Variants in MMACHC observed in about 807,000 individuals in gnomAD.
The protein encoded by MMACHC is cyanocobalamin reductase / alkylcobalamin dealkylase.
Under a neutral mutation model 17.6 loss-of-function variants are expected in MMACHC, and 14 were observed. The ratio of observed to expected loss-of-function variants is 0.80; its 90% confidence interval spans 0.53 to 1.25. The LOEUF is 1.25. MMACHC is among the 50% of genes most tolerant of loss of function. The pLI, the probability that MMACHC is intolerant of heterozygous loss-of-function variation, is 0.00. For missense variants in MMACHC, 392 were observed against 364.5 expected, an observed-to-expected ratio of 1.08 and a Z score of -0.62; for synonymous variants, 151 against 142.1, an observed-to-expected ratio of 1.06 and a Z score of -0.45.
In MMACHC at chr1:45,511,693, ACT is replaced by A; in HGVS notation, c.*2483_*2484del. 2 of 289,650 alleles carry A rather than the reference ACT, an allele frequency of 6.9e-6. No homozygotes were observed. The highest frequency in any genetic ancestry group is 6.2e-5 in the East Asian group (1 of 16,064). 17.9% of individuals were successfully genotyped at this position (289,650 alleles called of 1,614,324 possible). A position where few individuals can be genotyped will look rare whatever the true frequency, so the allele number is the denominator to read the frequency against. On this transcript the variant is annotated 3_prime_UTR_variant, in exon 4 of 4. Coordinates refer to ENST00000401061, the MANE Select transcript of MMACHC (RefSeq NM_015506.3). ...GGCAAAGTTTAAATAATTTGCCAAC[ACT>A]CTCTAATCCTTAAGGGGAAAAAAAA...
intron 1 of MMACHC, among the ~76,000 whole-genome samples, chr1:45,504,743 C>A (rs1035780471): frequency 2.6e-5 from 4 of 152,066 alleles, no homozygotes; most frequent in African/African-American, 9.7e-5. Context: ...AGCAGAAAAA[C>A]CCCTGATGGG....
chr1:45,507,495 T>C lies in MMACHC; in HGVS notation c.221T>C (p.Met74Thr). 1.2e-6 allele frequency: 2 copies of C among 1,614,144 alleles called. No homozygotes were observed. Among genetic ancestry groups the C allele is most frequent in the Non-Finnish European group, 8.5e-7 (1 of 1,180,016 alleles). ...KPFLQSCHLRMLTDPVDQCVA... is the reference protein window; with the variant it reads ...KPFLQSCHLRTLTDPVDQCVA... ...TTCTTGCAGAGCTGCCACCTCCGAATGCTGACTGACCCAGTGGACCAGTGT... is the reference window on the plus strand; with the variant it reads ...TTCTTGCAGAGCTGCCACCTCCGAACGCTGACTGACCCAGTGGACCAGTGT... The change falls in exon 2 of 4, where the codon ATG becomes ACG. Residue 74 changes from methionine to threonine, a missense_variant. Met to Thr is a moderately conservative substitution (Grantham distance 81, BLOSUM62 -1). Coordinates refer to ENST00000401061, the MANE Select transcript of MMACHC (RefSeq NM_015506.3).
At position 45,507,356 on chromosome 1, in the gene MMACHC, G is replaced by A. The variant is rs371937044; in HGVS notation, c.82G>A (p.Val28Met). 7 of 1,613,976 alleles carry A rather than the reference G, an allele frequency of 4.3e-6. No homozygotes were observed. The East Asian group carries it at 6.7e-5, about 15-fold the overall frequency. ...PFGFEVYPFQ[V>M]AWYNELLPPA... ...GCCTGGCCTGAACTTTCTGTTTCAG[G>A]TGGCATGGTACAATGAACTCTTGCC... The change falls in exon 2 of 4, where the codon GTG becomes ATG. Residue 28 changes from valine to methionine, a missense_variant and splice_region_variant. Physicochemically the swap from Val to Met is conservative, Grantham distance 21. Transcript: ENST00000401061.
In MMACHC at chr1:45,511,446, C is replaced by T. The variant is rs777833348; in HGVS notation, c.*2231C>T. On this transcript the variant is annotated 3_prime_UTR_variant, in exon 4 of 4. Transcript: ENST00000401061. ...GAGAAAGGCACCACTAATTAATAAC[C>T]TTCTCAATGGTATGCACCACCATTC... 1.9e-6 allele frequency: 3 copies of T among 1,575,842 alleles called. No homozygotes were observed. Among genetic ancestry groups the T allele is most frequent in the Middle Eastern group, 1.7e-4 (1 of 5,964 alleles).
Position 45,511,583 on chromosome 1 carries a change from C to T in MMACHC, c.*2368C>T. The T allele has an allele frequency of 2.2e-6, 1 of 444,670 alleles. No individual in the cohort carries two copies. The highest frequency in any genetic ancestry group is 3.4e-5 in the East Asian group (1 of 29,380). 27.5% of individuals were successfully genotyped at this position (444,670 alleles called of 1,614,324 possible). A position where few individuals can be genotyped will look rare whatever the true frequency, so the allele number is the denominator to read the frequency against. ...TAGTATGAGCTAACCATTTTACAAACATATAATCATCACCACAGCCTTAAG... is the reference window on the plus strand; with the variant it reads ...TAGTATGAGCTAACCATTTTACAAATATATAATCATCACCACAGCCTTAAG... On this transcript the variant is annotated 3_prime_UTR_variant, in exon 4 of 4. Coordinates refer to ENST00000401061, the MANE Select transcript of MMACHC (RefSeq NM_015506.3).
rs371647512 is a variant in MMACHC, at chr1:45,509,227, G to A, written c.*12G>A. On this transcript the variant is annotated 3_prime_UTR_variant, in exon 4 of 4. Transcript: ENST00000401061. ...CCCCTGGCCCTTGATTTTCTCCCATGTGGACCCTGATTTATGGTGGTACTT... is the reference window on the plus strand; with the variant it reads ...CCCCTGGCCCTTGATTTTCTCCCATATGGACCCTGATTTATGGTGGTACTT... 2 of 1,613,952 alleles carry A rather than the reference G, an allele frequency of 1.2e-6. No homozygotes were observed. Among genetic ancestry groups the A allele is most frequent in the African/African-American group, 1.3e-5 (1 of 74,986 alleles).
At position 45,508,783 on chromosome 1, in the gene MMACHC, A is replaced by T. The variant is rs745687866; in HGVS notation, c.430-13A>T. On this transcript the variant is annotated splice_polypyrimidine_tract_variant and intron_variant, in intron 3 of 3. Coordinates refer to ENST00000401061, the MANE Select transcript of MMACHC (RefSeq NM_015506.3). ...GACCTCCATGACCTTGCTTTTCTTC[A>T]CCCTCTCCCCAGCGCATATCAGGTG... 68 of 1,611,524 alleles carry T rather than the reference A, an allele frequency of 4.2e-5. No homozygotes were observed. The highest frequency in any genetic ancestry group is 4.0e-4 in the Admixed American group (24 of 59,654).
chr1:45,505,775 G>A (rs1643611349), intron 1 of MMACHC, among the ~76,000 whole-genome samples: 1 of 151,874 alleles, frequency 6.6e-6, no homozygotes, highest in Admixed American at 6.6e-5. Context: ...GGTGGCACGT[G>A]CCTGTAGTCC....
In MMACHC at chr1:45,508,938, C is replaced by G. The variant is rs375442063; in HGVS notation, c.572C>G (p.Ala191Gly). The G allele has an allele frequency of 2.5e-6, 4 of 1,614,088 alleles. No individual in the cohort carries two copies. The African/African-American group carries it at 5.3e-5, about 22-fold the overall frequency. ...DCVPTRADRI[A>G]LLEGFNFHWR... The stretch of plus-strand genomic sequence containing the variant: ...GTACCTACAAGAGCTGACCGTATCG[C>G]CCTACTCGAAGGCTTCAATTTCCAC... Residue 191 changes from alanine (A) to glycine (G), a missense_variant, in exon 4 of 4, where the codon GCC becomes GGC. By Grantham distance (60) the Ala-to-Gly change is moderately conservative. Transcript: ENST00000401061.
rs867262859 is a variant in MMACHC at position 45,508,119 on chromosome 1, T to C, written c.277-93T>C. 64 of 1,476,986 alleles carry C rather than the reference T, an allele frequency of 4.3e-5. No homozygotes were observed. In the Middle Eastern group the frequency reaches 3.6e-3, roughly 83 times the overall value. 91.5% of individuals were successfully genotyped at this position (1,476,986 alleles called of 1,614,324 possible). ...GTTTTCCCTTCTGAGGACAGGACCATGTTCACACACACAAAACAAACTAGG... is the reference window on the plus strand; with the variant it reads ...GTTTTCCCTTCTGAGGACAGGACCACGTTCACACACACAAAACAAACTAGG... On this transcript the variant is annotated intron_variant, in intron 2 of 3. Transcript: ENST00000401061.
intron 1 of MMACHC, among the ~76,000 whole-genome samples, chr1:45,504,584 G>T (rs911598885): frequency 6.6e-6 from 1 of 152,064 alleles, no homozygotes; most frequent in Non-Finnish European, 1.5e-5. Flanking sequence ...AGCCAGCCAG[G>T]TGTGGTGGCT....
chr1:45,505,377 G>C lies in MMACHC; in HGVS notation c.82-1979G>C, dbSNP rs549942575. On this transcript the variant is annotated intron_variant, in intron 1 of 3. Transcript: ENST00000401061. ...ACAGGAAAATCACTTGAACCCGGGA[G>C]GTGGAGATTGCAATAAGCCGAGGCT... 2.6e-5 allele frequency among the ~76,000 whole-genome samples: 4 copies of C among 152,196 alleles called. No homozygotes were observed. In the South Asian group the frequency reaches 8.3e-4, roughly 32 times the overall value.
At position 45,500,362 on chromosome 1, in the gene MMACHC, G is replaced by C. The variant is rs772838196; in HGVS notation, c.30G>C (p.Gln10His). Residue 10 changes from glutamine to histidine, a missense_variant, in exon 1 of 4, where the codon CAG (glutamine) becomes CAC (histidine). By Grantham distance (24) the Gln-to-His change is conservative. Transcript: ENST00000401061. ...AGCCGAAAGTCGCAGAGCTGAAGCA[G>C]AAGATCGAGGACACGCTATGTCCTT... MEPKVAELKQKIEDTLCPFG... is the reference protein window; with the variant it reads MEPKVAELKHKIEDTLCPFG... 1.2e-6 allele frequency: 2 copies of C among 1,614,206 alleles called. No individual in the cohort carries two copies. Among genetic ancestry groups the C allele is most frequent in the East Asian group, 4.5e-5 (2 of 44,892 alleles).
intron 1 of MMACHC, among the ~76,000 whole-genome samples, chr1:45,506,225 C>G (rs1643618414): frequency 6.6e-6 from 1 of 152,180 alleles, no homozygotes; most frequent in Non-Finnish European, 1.5e-5. Flanking sequence ...CTTTCTCCCT[C>G]TCAGGCTTGG....
rs1570838659 is a variant in MMACHC, at chr1:45,511,015, T to G, written c.*1800T>G. The G allele has an allele frequency of 1.4e-5, 3 of 215,316 alleles. No homozygotes were observed. The East Asian group carries it at 2.9e-4, about 21-fold the overall frequency. 13.3% of individuals were successfully genotyped at this position (215,316 alleles called of 1,614,324 possible). The stretch of plus-strand genomic sequence containing the variant: ...GTAAATTCCTCTTAAAATCAAAAGC[T>G]AATAATATGCTTCCTAAAATAAAGA... On this transcript the variant is annotated 3_prime_UTR_variant, in exon 4 of 4. Transcript: ENST00000401061.
chr1:45,504,763 G>T (rs567488525), intron 1 of MMACHC, among the ~76,000 whole-genome samples: 1 of 152,272 alleles, frequency 6.6e-6, no homozygotes, highest in Admixed American at 6.5e-5. Flanking sequence ...GCTCAAGTCA[G>T]AGGTTAAGTA....
In MMACHC at chr1:45,510,000, C is replaced by G. The variant is rs1220046876; in HGVS notation, c.*785C>G. The G allele has an allele frequency of 6.7e-6, 1 of 150,208 alleles. No homozygotes were observed. Among genetic ancestry groups the G allele is most frequent in the Non-Finnish European group, 1.5e-5 (1 of 67,842 alleles). 9.3% of individuals were successfully genotyped at this position (150,208 alleles called of 1,614,324 possible). A position where few individuals can be genotyped will look rare whatever the true frequency, so the allele number is the denominator to read the frequency against. On this transcript the variant is annotated 3_prime_UTR_variant, in exon 4 of 4. Coordinates refer to ENST00000401061, the MANE Select transcript of MMACHC (RefSeq NM_015506.3). ...GCTGAGGCAGTAGAATCATTTGAACCAGGGAGGCAGAGATTGCAGTGAGCC... is the reference window on the plus strand; with the variant it reads ...GCTGAGGCAGTAGAATCATTTGAACGAGGGAGGCAGAGATTGCAGTGAGCC...
chr1:45,505,093 G>A (rs975146696), intron 1 of MMACHC, among the ~76,000 whole-genome samples: 2 of 146,506 alleles, frequency 1.4e-5, no homozygotes, highest in Non-Finnish European at 3.0e-5. Context: ...CCTAGCCCCT[G>A]GGCGACAGTG....
chr1:45,507,847 G>C (rs1015482607), intron 2 of MMACHC, among the ~76,000 whole-genome samples: 14 of 152,322 alleles, frequency 9.2e-5, no homozygotes, highest in African/African-American at 3.4e-4. Flanking sequence ...ATAGGAATGA[G>C]TCCAACATTC....
Sources: allele counts gnomAD v4.1 joint callset (sites outside exome capture counted in the v4.1 genomes callset), GRCh38; gene constraint gnomAD v4.1.1; transcripts MANE v1.5; gene names NCBI Gene and HGNC (gene_info 2026-07-23, HGNC 2026-07-21).